OSBPL7: variants seen among roughly 807,000 people sequenced by gnomAD.
OSBPL7 encodes the protein oxysterol-binding protein-related protein 7.
A neutral mutation model predicts 115.8 loss-of-function variants in OSBPL7; 66 were observed. The ratio of observed to expected loss-of-function variants is 0.57; its 90% CI spans 0.47 to 0.70. The LOEUF (loss-of-function observed/expected upper bound fraction) is 0.70. Ranked by LOEUF, OSBPL7 falls within the 30% of genes least tolerant of loss-of-function variation. The pLI is 0.00. For synonymous variants in OSBPL7, 441 were observed against 439.2 expected (o/e 1.00, Z -0.05); for missense variants, 902 against 1,125.5 (o/e 0.80, Z 2.84).
rs79008006 is a variant in OSBPL7 at position 47,817,319 on chromosome 17, C to A, written c.639G>T (p.Arg213Ser). ...ECQGKLQELH[R>S]LLQSLESLHR... Reference sequence around the variant, plus strand: ...GCAGGGACTCCAGGCTCTGGAGGAGCCTGTGTAGTTCCTGGAGCTTCCCCT... The same window carrying A: ...GCAGGGACTCCAGGCTCTGGAGGAGACTGTGTAGTTCCTGGAGCTTCCCCT... The change falls in exon 8 of 23, where the codon AGG (arginine) becomes AGT (serine). Residue 213 changes from arginine (R) to serine (S), a missense_variant. By Grantham distance (110) the Arg-to-Ser change is moderately radical. Around this residue, in one of 3 missense-constraint regions of OSBPL7, gnomAD observed 667 missense variants for 788.7 expected, o/e 0.85. Transcript: ENST00000007414. The A allele has an allele frequency of 1.9e-6, 3 of 1,604,838 alleles. No individual in the cohort carries two copies. Among genetic ancestry groups the A allele is most frequent in the East Asian group, 2.2e-5 (1 of 44,814 alleles).
chr17:47,813,873 C>G, intron 14 of OSBPL7, 39 bp from the exon 15 acceptor site: 1 of 1,568,084 alleles, frequency 6.4e-7, no homozygotes, highest in South Asian at 1.2e-5. Flanking sequence ...ATCTGGGCAC[C>G]AGGCATCCCA....
At chr17:47,818,820 G>A (rs2033310707) in intron 5 of OSBPL7, among the ~76,000 whole-genome samples, 166 bp downstream of exon 5, 1 of 152,242 alleles carries the variant, frequency 6.6e-6, no homozygotes, top group South Asian at 2.1e-4. Flanking sequence ...CAACAACCAA[G>A]AAGTGCAGGT....
rs2033237334 is a variant in OSBPL7, at chr17:47,816,873, C to G, written c.703-1G>C. 6.2e-7 allele frequency: 1 copy of G among 1,613,764 alleles called. No individual in the cohort carries two copies. Among genetic ancestry groups the G allele is most frequent in the Non-Finnish European group, 8.5e-7 (1 of 1,180,020 alleles). ...TGGGTCTTTCGGTTGTCACTGAGGCCTGGCAAGTCAAGGTGGGGGCAATTT... is the reference window on the plus strand; with the variant it reads ...TGGGTCTTTCGGTTGTCACTGAGGCGTGGCAAGTCAAGGTGGGGGCAATTT... On this transcript the variant is annotated splice_acceptor_variant, in intron 8 of 22. Coordinates refer to ENST00000007414, the MANE Select transcript of OSBPL7 (RefSeq NM_145798.3). LOFTEE classifies it high-confidence loss of function. This position sits in a 1 kb window ranked among gnomAD's most constrained non-coding sequence, Gnocchi z 5.8.
chr17:47,809,243 TA>T (rs1159453901), intron 19 of OSBPL7, 23 bp from the exon 20 acceptor site: 1 of 1,613,598 alleles, frequency 6.2e-7, no homozygotes, highest in South Asian at 1.1e-5. Flanking sequence ...AGGCAGGGTT[TA>T]GGGAGGTGTC....
chr17:47,810,540 G>C (rs1187475166), intron 18 of OSBPL7, 54 bp downstream of exon 18: 1 of 1,521,710 alleles, frequency 6.6e-7, no homozygotes, highest in African/African-American at 1.4e-5. Context: ...GCCCCCTCCA[G>C]CCTGAAGGAT....
At chr17:47,814,659 G>C (rs199572845) in intron 13 of OSBPL7, 45 bp from the exon 14 acceptor site, 2 of 1,556,058 alleles carry the variant, frequency 1.3e-6, no homozygotes, top group Non-Finnish European at 1.8e-6. Context: ...GGCCTCCCCC[G>C]GGCAGCTGGG....
chr17:47,808,150 G>A lies in OSBPL7; in HGVS notation c.*141C>T, dbSNP rs1174329294. ...GGCTGAGATGCAGACCCTCTGGCCA[G>A]CAGAGGGGAGGGAGGGCCAGGGCTG... On this transcript the variant is annotated 3_prime_UTR_variant, in exon 23 of 23. Transcript: ENST00000007414. The surrounding 1 kb of genome is among the most constrained non-coding windows in gnomAD (Gnocchi z 6.1). 1.5e-6 allele frequency: 1 copy of A among 646,088 alleles called. No individual in the cohort carries two copies. Among genetic ancestry groups the A allele is most frequent in the Non-Finnish European group, 2.7e-6 (1 of 371,374 alleles). 40.0% of individuals were successfully genotyped at this position (646,088 alleles called of 1,614,324 possible).
chr17:47,811,682 C>A (rs1447509669), intron 16 of OSBPL7, among the ~76,000 whole-genome samples: 1 of 152,216 alleles, frequency 6.6e-6, no homozygotes, highest in African/African-American at 2.4e-5. Flanking sequence ...TGTGGCAGAA[C>A]AGAAGTGGGT....
chr17:47,810,717 C>G, intron 17 of OSBPL7, 45 bp from the exon 18 acceptor site: 1 of 1,612,308 alleles, frequency 6.2e-7, no homozygotes. Flanking sequence ...AGAGATAAGG[C>G]CAGAGGGTGT....
chr17:47,815,904 T>G, intron 12 of OSBPL7: 1 of 514,820 alleles, frequency 1.9e-6, no homozygotes, highest in East Asian at 3.3e-5. Flanking sequence ...GGACCCCGAA[T>G]TAAAAGTAAA....
chr17:47,819,915 C>A, intron 3 of OSBPL7, 56 bp downstream of exon 3: 2 of 1,512,944 alleles, frequency 1.3e-6, no homozygotes, highest in South Asian at 1.2e-5. Context: ...AGCAGCTGCC[C>A]CCCATTCCCA....
intron 16 of OSBPL7, among the ~76,000 whole-genome samples, chr17:47,811,327 C>T (rs2033035164): frequency 1.3e-5 from 2 of 152,104 alleles, no homozygotes; most frequent in Non-Finnish European, 2.9e-5. Flanking sequence ...CCACAGCCTG[C>T]CTGCCTTGCC....
At position 47,808,078 on chromosome 17, in the gene OSBPL7, G is replaced by T. The variant is rs1598009290; in HGVS notation, c.*213C>A. On this transcript the variant is annotated 3_prime_UTR_variant, in exon 23 of 23. Transcript: ENST00000007414. The surrounding 1 kb of genome is among the most constrained non-coding windows in gnomAD (Gnocchi z 6.1). ...TGGTTGTCTGGGGCAAGGAGACTGGGGAAGCACAGATTCTGCTTCTCACCC... is the reference window on the plus strand; with the variant it reads ...TGGTTGTCTGGGGCAAGGAGACTGGTGAAGCACAGATTCTGCTTCTCACCC... The T allele has an allele frequency of 1.7e-6, 1 of 585,372 alleles. No homozygotes were observed. Among genetic ancestry groups the T allele is most frequent in the Admixed American group, 3.0e-5 (1 of 33,592 alleles). 36.3% of individuals were successfully genotyped at this position (585,372 alleles called of 1,614,324 possible).
rs1598022573 is a variant in OSBPL7, at chr17:47,816,621, C to T, written c.870G>A (p.Gly290=). ...GGTGGGCATAGTCTGTGGGTGGCAGCCCACGGGTGCCCGAGGAGTCCCGAG... is the reference window on the plus strand; with the variant it reads ...GGTGGGCATAGTCTGTGGGTGGCAGTCCACGGGTGCCCGAGGAGTCCCGAG... ...LESRDSSGTR[G]LPPTDYAHLQ... Residue 290 remains glycine (G), a synonymous_variant, in exon 10 of 23, where the codon GGG becomes GGA. Coordinates refer to ENST00000007414, the MANE Select transcript of OSBPL7 (RefSeq NM_145798.3). This position sits in a 1 kb window ranked among gnomAD's most constrained non-coding sequence, Gnocchi z 5.8. The T allele has an allele frequency of 2.5e-6, 4 of 1,613,816 alleles. No homozygotes were observed. In the East Asian group the frequency reaches 8.9e-5, roughly 36 times the overall value.
intron 1 of OSBPL7, 22 bp from the exon 2 acceptor site, chr17:47,820,387 C>A: frequency 9.3e-7 from 1 of 1,073,980 alleles, no homozygotes; most frequent in Non-Finnish European, 1.3e-6. Flanking sequence ...AGAAAGACCC[C>A]CTTAACGCAA....
At position 47,814,548 on chromosome 17, in the gene OSBPL7, G is replaced by A. The variant is rs371021983; in HGVS notation, c.1324C>T (p.Leu442Phe). The A allele has an allele frequency of 5.0e-6, 8 of 1,610,250 alleles. No individual in the cohort carries two copies. Among genetic ancestry groups the A allele is most frequent in the Non-Finnish European group, 6.8e-6 (8 of 1,177,882 alleles). The stretch of plus-strand genomic sequence containing the variant: ...TTCTGACAGCGCTCAGCTCCCCTGA[G>A]GTCCAGCATCTCCTCAGACAGGCTG... ...TTSLSEEMLD[L>F]RGAERCQKGG... Residue 442 changes from leucine (L) to phenylalanine (F), a missense_variant, in exon 14 of 23, where the codon CTC becomes TTC. Leu to Phe is a conservative substitution (Grantham distance 22, BLOSUM62 0). Transcript: ENST00000007414.
chr17:47,808,333 G>A lies in OSBPL7; in HGVS notation c.2487C>T (p.Ala829=), dbSNP rs141380107. ...VTNNTYWRLR[A]EPGYGNMDGA... ...CATCCATGTTCCCATAGCCTGGCTC[G>A]GCCCGCAGCCTCCAGTAGGTATTGT... The change falls in exon 23 of 23, where the codon GCC becomes GCT. Residue 829 remains alanine (A), a synonymous_variant. Coordinates refer to ENST00000007414, the MANE Select transcript of OSBPL7 (RefSeq NM_145798.3). This position sits in a 1 kb window ranked among gnomAD's most constrained non-coding sequence, Gnocchi z 6.1. The A allele has an allele frequency of 2.0e-4, 328 of 1,614,010 alleles. 1 individual carries two copies. The highest frequency in any genetic ancestry group is 9.9e-4 in the Middle Eastern group (6 of 6,034).
intron 1 of OSBPL7, among the ~76,000 whole-genome samples, chr17:47,821,368 C>T (rs2033390154): frequency 6.6e-6 from 1 of 152,190 alleles, no homozygotes. Context: ...GAGGTTGGGG[C>T]AGAGGGACCC....
rs2033323051 is a variant in OSBPL7 at position 47,819,212 on chromosome 17, C to T, written c.256-113G>A. The T allele has an allele frequency of 5.1e-6, 4 of 784,044 alleles. No homozygotes were observed. The African/African-American group carries it at 6.9e-5, about 13-fold the overall frequency. The allele number at this position is 784,044 out of a possible 1,614,324, so 48.6% of individuals were successfully genotyped here. On this transcript the variant is annotated intron_variant, in intron 4 of 22. Transcript: ENST00000007414. ...GCTCAAGGGCCAGGTGGCAGGTTCACCCTCATGTCCAAGTCACACTATCAG... is the reference window on the plus strand; with the variant it reads ...GCTCAAGGGCCAGGTGGCAGGTTCATCCTCATGTCCAAGTCACACTATCAG...
Sources: allele counts gnomAD v4.1 joint callset (sites outside exome capture counted in the v4.1 genomes callset), GRCh38; gene constraint gnomAD v4.1.1; regional missense constraint gnomAD v4.1.1; non-coding constraint Gnocchi (gnomAD v3.1); transcripts MANE v1.5; gene names NCBI Gene and HGNC (gene_info 2026-07-23, HGNC 2026-07-21).